Variants in MAD1L1 observed in about 807,000 individuals in gnomAD.
The protein encoded by MAD1L1 is mitotic arrest deficient 1 like 1, also known as mitotic spindle assembly checkpoint protein MAD1.
MAD1L1 carries 95 observed loss-of-function variants against 96.9 expected under a neutral mutation model. That is an observed-to-expected ratio of 0.98 (90% CI 0.83 to 1.16). The LOEUF (loss-of-function observed/expected upper bound fraction) is 1.16. MAD1L1 is among the 50% of genes most tolerant of loss of function. The probability of loss-of-function intolerance (pLI) is 0.00; values close to 1 mark genes in which losing one functional copy is unlikely to be tolerated. For synonymous variants in MAD1L1, 473 were observed against 396.6 expected (o/e 1.19, Z -2.29); for missense variants, 1,007 against 954.4 (o/e 1.06, Z -0.73).
chr7:1,946,240 G>A (rs1583879518), intron 16 of MAD1L1, among the ~76,000 whole-genome samples: 2 of 152,332 alleles, frequency 1.3e-5, no homozygotes, highest in East Asian at 1.9e-4. Context: ...CAGGGGGTCA[G>A]TGTGAGGCTC....
At chr7:1,993,807 G>A (rs1584020558) in intron 14 of MAD1L1, among the ~76,000 whole-genome samples, 1 of 152,240 alleles carries the variant, frequency 6.6e-6, no homozygotes, top group Non-Finnish European at 1.5e-5. Context: ...AGGGGACAGA[G>A]GGAAGATGAA....
chr7:2,114,504 A>G lies in MAD1L1; in HGVS notation c.1073+34648T>C, dbSNP rs1325042467. On this transcript the variant is annotated intron_variant, in intron 11 of 18. Transcript: ENST00000265854. This position sits in a 1 kb window ranked among gnomAD's most constrained non-coding sequence, Gnocchi z 4.2. Reference sequence around the variant, plus strand: ...AATGAAAGCCTGGCTGCCGGGATCAATCTTGCGGGTCACCTCCCTGCAGCA... The same window carrying G: ...AATGAAAGCCTGGCTGCCGGGATCAGTCTTGCGGGTCACCTCCCTGCAGCA... Among the ~76,000 whole-genome samples the G allele has an allele frequency of 1.3e-5, 2 of 152,224 alleles. No homozygotes were observed. Among genetic ancestry groups the G allele is most frequent in the Non-Finnish European group, 2.9e-5 (2 of 68,034 alleles).
At chr7:1,923,536 G>A (rs1286754988) in intron 17 of MAD1L1, among the ~76,000 whole-genome samples, 4 of 125,494 alleles carry the variant, frequency 3.2e-5, no homozygotes, top group African/African-American at 1.0e-4. Context: ...ATCCTGCGGA[G>A]GTACAGCCAC....
At chr7:2,220,989 T>C (rs1381599189) in intron 5 of MAD1L1, 2 of 1,612,416 alleles carry the variant, frequency 1.2e-6, no homozygotes, top group Admixed American at 1.7e-5. Flanking sequence ...GCGCATAAGA[T>C]AATTCCAGAG....
chr7:1,889,635 G>T (rs1233194552), intron 18 of MAD1L1, among the ~76,000 whole-genome samples: 1 of 152,224 alleles, frequency 6.6e-6, no homozygotes, highest in African/African-American at 2.4e-5. Context: ...GCTCAGCCAT[G>T]CGGCCTCCGT....
chr7:2,102,446 GCTACTGTCACCACTCACCACCACTGCTA>G (rs1437474456), intron 11 of MAD1L1, among the ~76,000 whole-genome samples: 3 of 76,996 alleles, frequency 3.9e-5, no homozygotes, highest in Non-Finnish European at 8.7e-5. Context: ...CACCACCACT[GCTACTGTCACCACTCACCACCACTGCTA>G]CTGTCACCAC....
chr7:2,039,209 C>T (rs1783572486), intron 12 of MAD1L1, among the ~76,000 whole-genome samples: 1 of 152,226 alleles, frequency 6.6e-6, no homozygotes. Flanking sequence ...TGAATTCCTT[C>T]TTAGTCCTGA....
At chr7:2,020,389 C>CA (rs1782735920) in intron 12 of MAD1L1, among the ~76,000 whole-genome samples, 1 of 152,258 alleles carries the variant, frequency 6.6e-6, no homozygotes, top group Non-Finnish European at 1.5e-5. Flanking sequence ...ATGCGGCCCC[C>CA]ACCCTTGCCT....
intron 10 of MAD1L1, among the ~76,000 whole-genome samples, chr7:2,201,209 G>A (rs1051139600): frequency 6.2e-5 from 7 of 113,818 alleles, no homozygotes; most frequent in East Asian, 2.2e-4. Flanking sequence ...GGAAGTCCTC[G>A]GAGAGAAGGG....
Position 1,957,533 on chromosome 7 carries a change from G to A in MAD1L1, c.1596+96C>T, listed in dbSNP as rs1045965993. ...AGTTCAGACAGACGAGCCAGAAAAC[G>A]GGTGTTCTGTGGCAGCAGGAACCAC... On this transcript the variant is annotated intron_variant, in intron 16 of 18. Coordinates refer to ENST00000265854, the MANE Select transcript of MAD1L1 (RefSeq NM_001013836.2). 4.6e-5 allele frequency: 55 copies of A among 1,185,354 alleles called. No individual in the cohort carries two copies. In the Middle Eastern group the frequency reaches 7.2e-4, roughly 16 times the overall value. 73.4% of individuals were successfully genotyped at this position (1,185,354 alleles called of 1,614,324 possible).
chr7:1,932,713 T>C (rs1789551843), intron 17 of MAD1L1, among the ~76,000 whole-genome samples: 1 of 152,242 alleles, frequency 6.6e-6, no homozygotes, highest in Admixed American at 6.5e-5. Context: ...GACAGCCCAG[T>C]CTGAGCCTCT....
intron 18 of MAD1L1, chr7:1,829,696 A>G (rs1782609183): frequency 6.8e-6 from 1 of 148,144 alleles, no homozygotes; most frequent in African/African-American, 2.5e-5. Context: ...GAGATCTGAG[A>G]AGTTCAAAGA....
At chr7:1,955,702 C>G (rs963886776) in intron 16 of MAD1L1, among the ~76,000 whole-genome samples, 1 of 152,162 alleles carries the variant, frequency 6.6e-6, no homozygotes, top group Non-Finnish European at 1.5e-5. Flanking sequence ...TCCCCCGGTT[C>G]CTCACAGGCT....
In MAD1L1 at chr7:1,834,827, G is replaced by C. The variant is rs1349115668; in HGVS notation, c.1999-18599C>G. On this transcript the variant is annotated intron_variant, in intron 18 of 18. Coordinates refer to ENST00000265854, the MANE Select transcript of MAD1L1 (RefSeq NM_001013836.2). ...CACTCTGTGAGACCAACATTACTAT[G>C]ATATACAAATCAGAAGACATTACAA... Among the ~76,000 whole-genome samples, 5 of 152,016 alleles carry C rather than the reference G, an allele frequency of 3.3e-5. No individual in the cohort carries two copies. In the East Asian group the frequency reaches 9.6e-4, roughly 29 times the overall value.
chr7:1,999,807 G>A (rs1033200342), intron 14 of MAD1L1, among the ~76,000 whole-genome samples: 5 of 152,178 alleles, frequency 3.3e-5, no homozygotes, highest in African/African-American at 7.2e-5. Context: ...TCAATGAAAC[G>A]CCGGCCGCAG....
At chr7:1,926,083 C>A (rs1470013467) in intron 17 of MAD1L1, among the ~76,000 whole-genome samples, 1 of 152,080 alleles carries the variant, frequency 6.6e-6, no homozygotes, top group Non-Finnish European at 1.5e-5. Flanking sequence ...AGTACCGCTA[C>A]GAACCCAGCA....
intron 10 of MAD1L1, among the ~76,000 whole-genome samples, chr7:2,194,943 C>G (rs1791909399): frequency 6.6e-6 from 1 of 152,078 alleles, no homozygotes; most frequent in African/African-American, 2.4e-5. Context: ...CAAAAATTAG[C>G]CAGGCGTGCT....
chr7:2,140,933 G>T (rs190002730), intron 11 of MAD1L1, among the ~76,000 whole-genome samples: 8 of 152,358 alleles, frequency 5.3e-5, no homozygotes, highest in East Asian at 1.9e-4. Flanking sequence ...TATTTAAAAA[G>T]CCATGAATAT....
At chr7:2,075,999 G>C (rs2128534605) in intron 11 of MAD1L1, among the ~76,000 whole-genome samples, 1 of 152,342 alleles carries the variant, frequency 6.6e-6, no homozygotes, top group Admixed American at 6.5e-5. Flanking sequence ...CGGGAGACAG[G>C]CTCTGAGAGA....
Sources: gnomAD v4.1 joint callset for allele counts (sites outside exome capture counted in the v4.1 genomes callset) on GRCh38, gnomAD v4.1.1 for gene constraint, Gnocchi (gnomAD v3.1) non-coding constraint, MANE v1.5 for transcripts, NCBI Gene and HGNC (gene_info 2026-07-23, HGNC 2026-07-21) for gene names.